SLC25A53: variants seen among roughly 807,000 people sequenced by gnomAD.
SLC25A53 encodes the protein mitochondrial carrier triple repeat protein 6.
In SLC25A53, 5 loss-of-function variants were observed where a neutral mutation model predicts 15.0. The ratio of observed to expected loss-of-function variants is 0.33; its 90% CI spans 0.17 to 0.70. SLC25A53 has a LOEUF of 0.70. Among genes scored for constraint, SLC25A53 ranks in the 30% least tolerant of loss-of-function variants. The pLI is 0.67. For synonymous variants in SLC25A53, 95 were observed against 100.0 expected, an observed-to-expected ratio of 0.95 and a Z score of 0.30; for missense variants, 216 against 241.6, an observed-to-expected ratio of 0.89 and a Z score of 0.70.
chrX:104,156,537 G>A (rs1217419132), intron 1 of SLC25A53, among the ~76,000 whole-genome samples: 5 of 111,136 alleles, frequency 4.5e-5, no homozygotes, highest in African/African-American at 1.6e-4. Context: ...CTGCTGAGAT[G>A]TGACTCAGAT....
chrX:104,112,792 T>A (rs1556359637), intron 1 of SLC25A53: 13 of 111,810 alleles, frequency 1.2e-4, no homozygotes, highest in Non-Finnish European at 2.4e-4. Context: ...TGCCCACCAG[T>A]GGAGCACAAG....
chrX:104,111,227 C>G (rs782119334), intron 1 of SLC25A53, among the ~76,000 whole-genome samples: 8 of 112,280 alleles, frequency 7.1e-5, no homozygotes, highest in East Asian at 5.6e-4. Flanking sequence ...CCTAGTCCTA[C>G]TACATCAAAA....
At chrX:104,113,898 C>T in intron 1 of SLC25A53, 1 of 497,053 alleles carries the variant, frequency 2.0e-6, no homozygotes, top group Non-Finnish European at 3.2e-6. Flanking sequence ...ATATAAAATG[C>T]ACTGCAAGGC....
intron 1 of SLC25A53, chrX:104,115,188 A>T: frequency 8.3e-7 from 1 of 1,210,027 alleles, no homozygotes; most frequent in South Asian, 1.8e-5. Context: ...GCCACTCAAA[A>T]GAAACCTGTG....
intron 1 of SLC25A53, among the ~76,000 whole-genome samples, chrX:104,136,736 C>A (rs1361277701): frequency 8.9e-6 from 1 of 112,095 alleles, no homozygotes; most frequent in Non-Finnish European, 1.9e-5. Context: ...CAAAGTTAAT[C>A]ATATCCTTCT....
Position 104,101,348 on chromosome X carries a change from A to G in SLC25A53, c.*2986T>C, listed in dbSNP as rs782787630. 9.0e-6 allele frequency: 1 copy of G among 111,413 alleles called. No individual in the cohort carries two copies. The highest frequency in any genetic ancestry group is 3.3e-5 in the African/African-American group (1 of 30,588). The allele number at this position is 111,413 out of a possible 1,213,427, so 9.2% of individuals were successfully genotyped here. On this transcript the variant is annotated 3_prime_UTR_variant, in exon 2 of 2. Coordinates refer to ENST00000594199, the MANE Select transcript of SLC25A53 (RefSeq NM_001012755.5). ...ATTAAATCATTGGCCACTGGTGATC[A>G]ACTTAACCTTCCATCCCTCTCCCCT...
At chrX:104,148,694 G>A (rs1556369779) in intron 1 of SLC25A53, among the ~76,000 whole-genome samples, 1 of 110,918 alleles carries the variant, frequency 9.0e-6, no homozygotes, top group Non-Finnish European at 1.9e-5. Flanking sequence ...GGGGTAGGAG[G>A]ACGGGGGAGG....
chrX:104,134,986 C>G (rs782319296), intron 1 of SLC25A53, among the ~76,000 whole-genome samples: 9 of 110,981 alleles, frequency 8.1e-5, no homozygotes, highest in Non-Finnish European at 1.7e-4. Context: ...CTCCATGATG[C>G]CCCAAAGCCC....
At chrX:104,144,196 G>A (rs1433820509) in intron 1 of SLC25A53, among the ~76,000 whole-genome samples, 1 of 111,399 alleles carries the variant, frequency 9.0e-6, no homozygotes, top group Non-Finnish European at 1.9e-5. Context: ...ATCAACTAAC[G>A]GGCAAAATAA....
At chrX:104,130,908 AAACC>A (rs2075424161) in intron 1 of SLC25A53, 3 of 111,760 alleles carry the variant, frequency 2.7e-5, no homozygotes, top group Non-Finnish European at 3.8e-5. Context: ...GCTGTGTAAT[AAACC>A]ACCCCAAAAC....
chrX:104,154,480 G>A (rs1556371026), intron 1 of SLC25A53, among the ~76,000 whole-genome samples: 1 of 111,880 alleles, frequency 8.9e-6, no homozygotes, highest in Non-Finnish European at 1.9e-5. Context: ...CCCACTTCTG[G>A]GTATATATCC....
At chrX:104,110,072 C>T (rs782014257) in intron 1 of SLC25A53, among the ~76,000 whole-genome samples, 38 of 111,607 alleles carry the variant, frequency 3.4e-4, no homozygotes, top group South Asian at 7.5e-4. Context: ...CCAACCCTGG[C>T]ACCTTTACAC....
intron 1 of SLC25A53, among the ~76,000 whole-genome samples, chrX:104,111,489 G>GA (rs1276834521): frequency 4.9e-5 from 5 of 102,115 alleles, no homozygotes; most frequent in Admixed American, 1.0e-4. Context: ...TGTGTAAAAA[G>GA]AAAAAAAAAG....
intron 1 of SLC25A53, among the ~76,000 whole-genome samples, chrX:104,137,587 G>A (rs948207263): frequency 9.0e-6 from 1 of 111,413 alleles, no homozygotes; most frequent in Non-Finnish European, 1.9e-5. Flanking sequence ...CACATACTCT[G>A]AGTTCCCTGA....
rs1950147609 is a variant in SLC25A53, at chrX:104,102,621, T to G, written c.*1713A>C. ...TCGTCATGTACAAGGGACAGCACCC[T>G]GAGGATATACCATATCACAGCTTGA... is the stretch of plus-strand genomic sequence containing the variant. On this transcript the variant is annotated 3_prime_UTR_variant, in exon 2 of 2. Transcript: ENST00000594199. 2 of 112,188 alleles carry G rather than the reference T, an allele frequency of 1.8e-5. No individual in the cohort carries two copies. Among genetic ancestry groups the G allele is most frequent in the African/African-American group, 6.5e-5 (2 of 30,861 alleles). The allele number at this position is 112,188 out of a possible 1,213,427, so 9.2% of individuals were successfully genotyped here. A position where few individuals can be genotyped will look rare whatever the true frequency, so the allele number is the denominator to read the frequency against.
At chrX:104,122,780 AT>A (rs2075399117) in intron 1 of SLC25A53, among the ~76,000 whole-genome samples, 1 of 111,341 alleles carries the variant, frequency 9.0e-6, no homozygotes, top group African/African-American at 3.3e-5. Flanking sequence ...AAGGAGATAT[AT>A]TTTTATTCCA....
Position 104,104,541 on chromosome X carries a change from C to T in SLC25A53, c.717G>A (p.Met239Ile). Residue 239 changes from methionine to isoleucine, a missense_variant, in exon 2 of 2, where the codon ATG (methionine) becomes ATA (isoleucine). Met to Ile is a conservative substitution (Grantham distance 10). Transcript: ENST00000594199. ...LYPLIVLVANMQSHIGWQNMP... is the reference protein window; with the variant it reads ...LYPLIVLVANIQSHIGWQNMP... ...TGTTCTGCCATCCAATATGGGACTG[C>T]ATATTAGCAACCAGCACAATCAGAG... 2 of 1,211,760 alleles carry T rather than the reference C, an allele frequency of 1.7e-6. No homozygotes were observed. The highest frequency in any genetic ancestry group is 2.2e-6 in the Non-Finnish European group (2 of 895,481).
rs1309111920 is a variant in SLC25A53 at position 104,102,606 on chromosome X, C to T, written c.*1728G>A. 3 of 112,022 alleles carry T rather than the reference C, an allele frequency of 2.7e-5. No individual in the cohort carries two copies. Among genetic ancestry groups the T allele is most frequent in the Non-Finnish European group, 5.6e-5 (3 of 53,260 alleles). The allele number at this position is 112,022 out of a possible 1,213,427, so 9.2% of individuals were successfully genotyped here. A position where few individuals can be genotyped will look rare whatever the true frequency, so the allele number is the denominator to read the frequency against. On this transcript the variant is annotated 3_prime_UTR_variant, in exon 2 of 2. Transcript: ENST00000594199. ...GAGTCAATAACTTTATCGTCATGTA[C>T]AAGGGACAGCACCCTGAGGATATAC... is the stretch of plus-strand genomic sequence containing the variant.
chrX:104,153,425 G>A (rs1460150568), intron 1 of SLC25A53, among the ~76,000 whole-genome samples: 1 of 111,270 alleles, frequency 9.0e-6, no homozygotes, highest in African/African-American at 3.3e-5. Flanking sequence ...GTGGTCCATC[G>A]TTGACCAAAA....
Sources: allele counts gnomAD v4.1 joint callset (sites outside exome capture counted in the v4.1 genomes callset), GRCh38; gene constraint gnomAD v4.1.1; transcripts MANE v1.5; gene names NCBI Gene and HGNC (gene_info 2026-07-23, HGNC 2026-07-21).